Variants in FSTL4 observed in about 807,000 individuals in gnomAD.
The protein encoded by FSTL4 is follistatin like 4, also known as follistatin-related protein 4.
FSTL4 carries 28 observed loss-of-function variants against 78.2 expected under a neutral mutation model. That is an observed-to-expected ratio of 0.36 (90% CI 0.27 to 0.49). The LOEUF (loss-of-function observed/expected upper bound fraction) is 0.49. Ranked by LOEUF, FSTL4 falls within the 20% of genes least tolerant of loss-of-function variation. The pLI, the probability that FSTL4 is intolerant of heterozygous loss-of-function variation, is 0.98. For synonymous variants in FSTL4, 422 were observed against 440.5 expected, an observed-to-expected ratio of 0.96 and a Z score of 0.53; for missense variants, 922 against 1,084.9, an observed-to-expected ratio of 0.85 and a Z score of 2.11.
At chr5:133,302,124 C>T (rs949931704) in intron 6 of FSTL4, among the ~76,000 whole-genome samples, 15 of 152,084 alleles carry the variant, frequency 9.9e-5, no homozygotes, top group African/African-American at 1.4e-4. Context: ...AAGATGCTAT[C>T]AGCCTTCATA....
chr5:133,455,447 A>G (rs1361720595), intron 3 of FSTL4, among the ~76,000 whole-genome samples: 1 of 150,310 alleles, frequency 6.7e-6, no homozygotes, highest in Non-Finnish European at 1.5e-5. Flanking sequence ...CCGATAACAC[A>G]GCAAAAGATA....
At chr5:133,259,543 G>T (rs1419430656) in intron 6 of FSTL4, among the ~76,000 whole-genome samples, 1 of 148,770 alleles carries the variant, frequency 6.7e-6, no homozygotes, top group East Asian at 1.9e-4. Flanking sequence ...TTTTGAGGAG[G>T]AGTCTCGCTC....
At chr5:133,643,294 G>A in the FSTL4 span, among the ~76,000 whole-genome samples, 28 of 152,280 alleles carry the variant, frequency 1.8e-4, no homozygotes, top group African/African-American at 6.0e-4. Flanking sequence ...ATTTCACACA[G>A]CCTTGAATTA....
chr5:133,702,905 C>T, the FSTL4 span, among the ~76,000 whole-genome samples: 1 of 152,152 alleles, frequency 6.6e-6, no homozygotes, highest in Non-Finnish European at 1.5e-5. Flanking sequence ...GCAGCACATA[C>T]CCATCGCTCT....
At chr5:133,393,895 C>T (rs1016058188) in intron 4 of FSTL4, among the ~76,000 whole-genome samples, 3 of 152,292 alleles carry the variant, frequency 2.0e-5, no homozygotes, top group East Asian at 1.9e-4. Context: ...CCAGCAGTGG[C>T]ACACGAGGCC....
intron 3 of FSTL4, among the ~76,000 whole-genome samples, chr5:133,548,230 A>G (rs897692470): frequency 1.3e-5 from 2 of 152,230 alleles, no homozygotes; most frequent in Non-Finnish European, 2.9e-5. Context: ...GAAAGGATTT[A>G]TGGTCAGTGT....
At chr5:133,639,585 G>A in the FSTL4 span, among the ~76,000 whole-genome samples, 1 of 152,194 alleles carries the variant, frequency 6.6e-6, no homozygotes, top group Admixed American at 6.5e-5. Flanking sequence ...AAGTCAGAAG[G>A]TTCCAGGCAG....
intron 6 of FSTL4, among the ~76,000 whole-genome samples, chr5:133,289,538 C>T (rs1317142955): frequency 6.6e-6 from 1 of 152,226 alleles, no homozygotes; most frequent in South Asian, 2.1e-4. Context: ...ACTTTCTCCC[C>T]TTCCTGAATG....
intron 7 of FSTL4, among the ~76,000 whole-genome samples, chr5:133,245,278 A>G (rs541661547): frequency 4.3e-4 from 65 of 152,154 alleles, no homozygotes; most frequent in Non-Finnish European, 7.2e-4. Flanking sequence ...CTCAGAAAAC[A>G]TCAACAAGGC....
At chr5:133,237,793 G>A (rs1561636115) in intron 7 of FSTL4, among the ~76,000 whole-genome samples, 1 of 151,458 alleles carries the variant, frequency 6.6e-6, no homozygotes, top group East Asian at 1.9e-4. Flanking sequence ...TCTTTGAGAT[G>A]CATCTGAATA....
intron 5 of FSTL4, among the ~76,000 whole-genome samples, chr5:133,314,233 G>C (rs1753850198): frequency 6.6e-6 from 1 of 152,240 alleles, no homozygotes; most frequent in Non-Finnish European, 1.5e-5. Context: ...GATTTTCCCA[G>C]AGCAGCCTGA....
chr5:133,794,032 C>T, the FSTL4 span, among the ~76,000 whole-genome samples: 2 of 152,350 alleles, frequency 1.3e-5, no homozygotes, highest in Admixed American at 1.3e-4. Flanking sequence ...GCTAATCAAT[C>T]ATCCTGGGGA....
chr5:133,301,051 G>A (rs1026896568), intron 6 of FSTL4, among the ~76,000 whole-genome samples: 4 of 152,150 alleles, frequency 2.6e-5, no homozygotes, highest in African/African-American at 9.7e-5. Flanking sequence ...TGTGGCACAC[G>A]GACTTCAGGA....
intron 3 of FSTL4, among the ~76,000 whole-genome samples, chr5:133,498,998 T>TAC (rs142906885): frequency 0.47 from 68,603 of 146,910 alleles, 15,771 homozygotes; most frequent in Non-Finnish European, 0.49. Flanking sequence ...AGCAACAAAT[T>TAC]ACACACACAC....
At chr5:133,540,720 C>CAAAAAA (rs79162509) in intron 3 of FSTL4, among the ~76,000 whole-genome samples, 10,221 of 69,606 alleles carry the variant, frequency 0.15, 595 homozygotes, top group African/African-American at 0.22. Flanking sequence ...TTAACATAGG[C>CAAAAAA]AAAAAAAAAA....
the FSTL4 span, among the ~76,000 whole-genome samples, chr5:133,754,046 C>T: frequency 2.6e-5 from 4 of 152,180 alleles, no homozygotes; most frequent in Admixed American, 1.3e-4. Context: ...CTGTACCATT[C>T]GTGCCCTGAG....
rs943836160 is a variant in FSTL4, at chr5:133,201,105, CA to C, written c.1826+827del. Among the ~76,000 whole-genome samples the C allele has an allele frequency of 1.3e-4, 20 of 152,158 alleles. 1 individual carries two copies. ...TGGGTGCATCTCCAGCAACAACTTGCAAAAACGAATCATTTCTTTCTGCAGA... is the reference window on the plus strand; with the variant it reads ...TGGGTGCATCTCCAGCAACAACTTGCAAAACGAATCATTTCTTTCTGCAGA... On this transcript the variant is annotated intron_variant, in intron 15 of 15. Transcript: ENST00000265342.
intron 3 of FSTL4, among the ~76,000 whole-genome samples, chr5:133,402,463 A>AG (rs1281087722): frequency 6.6e-6 from 1 of 152,214 alleles, no homozygotes; most frequent in Non-Finnish European, 1.5e-5. Context: ...CAGCCTCAGA[A>AG]GACTTTGCTT....
At chr5:133,649,304 G>A in the FSTL4 span, among the ~76,000 whole-genome samples, 7 of 152,184 alleles carry the variant, frequency 4.6e-5, no homozygotes, top group African/African-American at 1.4e-4. Context: ...TGCCAAATAT[G>A]AATAAAGCTG....
Sources: allele counts gnomAD v4.1 joint callset (sites outside exome capture counted in the v4.1 genomes callset), GRCh38; gene constraint gnomAD v4.1.1; transcripts MANE v1.5; gene names NCBI Gene and HGNC (gene_info 2026-07-23, HGNC 2026-07-21).